Variants in SECISBP2 observed in about 807,000 individuals in gnomAD.
SECISBP2 encodes selenocysteine insertion sequence-binding protein 2.
In SECISBP2, 96 loss-of-function variants were observed where a neutral mutation model predicts 98.2. That is an observed-to-expected ratio of 0.98 (90% CI 0.83 to 1.16). The LOEUF (loss-of-function observed/expected upper bound fraction) is 1.16. SECISBP2 is among the 50% of genes most tolerant of loss of function. The probability of loss-of-function intolerance (pLI) is 0.00; values close to 1 mark genes in which losing one functional copy is unlikely to be tolerated. For missense variants in SECISBP2, 1,046 were observed against 1,022.9 expected, an observed-to-expected ratio of 1.02 and a Z score of -0.31; for synonymous variants, 407 against 370.2, an observed-to-expected ratio of 1.10 and a Z score of -1.14.
intron 14 of SECISBP2, among the ~76,000 whole-genome samples, chr9:89,351,093 A>T (rs996727596): frequency 3.3e-5 from 5 of 152,222 alleles, no homozygotes; most frequent in Admixed American, 2.6e-4. Flanking sequence ...CAGCCCACAC[A>T]GGCCTCTGGC....
chr9:89,328,318 T>C (rs59637990), intron 4 of SECISBP2, among the ~76,000 whole-genome samples: 36 of 152,194 alleles, frequency 2.4e-4, no homozygotes, highest in African/African-American at 8.2e-4. Flanking sequence ...CAGTAGACAA[T>C]AGGAATTTTT....
chr9:89,328,622 C>A (rs768510713), intron 4 of SECISBP2, 38 bp from the exon 5 acceptor site: 2 of 1,572,068 alleles, frequency 1.3e-6, no homozygotes, highest in Non-Finnish European at 1.8e-6. Flanking sequence ...CAAACAGTAA[C>A]TAAATTTTTA....
chr9:89,329,028 G>T, intron 5 of SECISBP2, 142 bp downstream of exon 5: 1 of 688,456 alleles, frequency 1.5e-6, no homozygotes, highest in Non-Finnish European at 2.5e-6. Flanking sequence ...CTTTCATTGT[G>T]CACTTATATG....
chr9:89,344,657 A>G (rs1004078347), intron 10 of SECISBP2, among the ~76,000 whole-genome samples: 9 of 152,018 alleles, frequency 5.9e-5, no homozygotes, highest in Non-Finnish European at 1.5e-5. Flanking sequence ...TTTAGAGTAC[A>G]CTTTTGATTT....
At position 89,358,066 on chromosome 9, in the gene SECISBP2, A is replaced by T. The variant is rs1832368928; in HGVS notation, c.2336A>T (p.Asn779Ile). The T allele has an allele frequency of 3.1e-6, 5 of 1,613,692 alleles. No individual in the cohort carries two copies. The highest frequency in any genetic ancestry group is 1.7e-4 in the Middle Eastern group (1 of 5,916). Residue 779 changes from asparagine to isoleucine, a missense_variant, in exon 16 of 17, where the codon AAT becomes ATT. Transcript: ENST00000375807. The part of the protein sequence containing the change: ...ARQAYKTMLE[N>I]VQQELVGEPR... ...CAGGCGTACAAGACCATGCTGGAGA[A>T]TGTGCAGCAGGAGCTGGTGGGAGAG...
chr9:89,338,981 A>G (rs958652370), intron 8 of SECISBP2, among the ~76,000 whole-genome samples: 11 of 152,118 alleles, frequency 7.2e-5, no homozygotes, highest in African/African-American at 2.7e-4. Flanking sequence ...TATAGAGAGA[A>G]ATGTAGAATA....
intron 2 of SECISBP2, among the ~76,000 whole-genome samples, chr9:89,320,110 A>T (rs1411716623): frequency 6.6e-6 from 1 of 152,150 alleles, no homozygotes; most frequent in African/African-American, 2.4e-5. Context: ...TAATCCCAGC[A>T]CTTTGGGAGG....
intron 7 of SECISBP2, among the ~76,000 whole-genome samples, chr9:89,336,557 A>G (rs571933250): frequency 3.3e-5 from 5 of 152,046 alleles, no homozygotes; most frequent in Non-Finnish European, 5.9e-5. Context: ...GTAGCTATGT[A>G]TTTATAGTGG....
chr9:89,320,484 ACTC>A (rs1306052913), intron 2 of SECISBP2, among the ~76,000 whole-genome samples: 3 of 151,722 alleles, frequency 2.0e-5, no homozygotes, highest in Non-Finnish European at 4.4e-5. Flanking sequence ...AAATAAACGT[ACTC>A]CTCCTTTTTA....
chr9:89,363,625 C>T, downstream of SECISBP2: 1 of 1,591,500 alleles, frequency 6.3e-7, no homozygotes, highest in Non-Finnish European at 8.5e-7. Context: ...GCCAATAAAA[C>T]CCAAACCCAG....
In SECISBP2 at chr9:89,325,591, C is replaced by G. The variant is rs1826556715; in HGVS notation, c.347C>G (p.Pro116Arg). The G allele has an allele frequency of 1.2e-6, 2 of 1,613,956 alleles. No homozygotes were observed. The highest frequency in any genetic ancestry group is 1.7e-5 in the Admixed American group (1 of 60,002). The change falls in exon 3 of 17, where the codon CCC (proline) becomes CGC (arginine). Residue 116 changes from proline (P) to arginine (R), a missense_variant. Transcript: ENST00000375807. ...VPGSQYLYNQ[P>R]SCYRGFQTVK... ...GGCTCCCAGTATCTTTATAACCAAC[C>G]CAGTTGTTACCGAGGTTTTCAAACA...
intron 5 of SECISBP2, among the ~76,000 whole-genome samples, chr9:89,330,998 T>C (rs1262651103): frequency 2.6e-5 from 4 of 152,254 alleles, no homozygotes; most frequent in Admixed American, 6.5e-5. Context: ...TCTTGAATTA[T>C]GTGTGGGCTT....
chr9:89,328,965 C>A, intron 5 of SECISBP2, 79 bp downstream of exon 5: 1 of 1,212,544 alleles, frequency 8.2e-7, no homozygotes. Context: ...CACATTAAAT[C>A]TTGCTGTGGG....
At chr9:89,328,232 T>G (rs1827114816) in intron 4 of SECISBP2, among the ~76,000 whole-genome samples, 1 of 152,230 alleles carries the variant, frequency 6.6e-6, no homozygotes, top group Admixed American at 6.5e-5. Context: ...TACTATACTT[T>G]TATATGCCTG....
At chr9:89,354,288 A>G (rs1831725247) in intron 14 of SECISBP2, among the ~76,000 whole-genome samples, 1 of 152,256 alleles carries the variant, frequency 6.6e-6, no homozygotes, top group Non-Finnish European at 1.5e-5. Flanking sequence ...GACTCAGCTT[A>G]GAGTGGTACT....
intron 2 of SECISBP2, chr9:89,322,085 C>G (rs952338092): frequency 6.6e-6 from 1 of 152,192 alleles, no homozygotes; most frequent in Non-Finnish European, 1.5e-5. Flanking sequence ...CCTCCAGTAC[C>G]TTTCACAGTG....
downstream of SECISBP2, among the ~76,000 whole-genome samples, chr9:89,362,734 G>A (rs908934160): frequency 1.3e-5 from 2 of 152,260 alleles, no homozygotes; most frequent in Non-Finnish European, 2.9e-5. Flanking sequence ...AGCCTTTGGT[G>A]GCAACAGTTC....
chr9:89,362,087 GT>G (rs1251739336), downstream of SECISBP2: 5 of 540,248 alleles, frequency 9.3e-6, no homozygotes, highest in Non-Finnish European at 1.7e-5. Context: ...ACACCCTGCT[GT>G]TTTAGTTCAC....
At chr9:89,336,983 A>G (rs1311698905) in intron 7 of SECISBP2, among the ~76,000 whole-genome samples, 10 of 152,022 alleles carry the variant, frequency 6.6e-5, no homozygotes, top group Non-Finnish European at 1.2e-4. Context: ...CATGTTGGTC[A>G]GGGTGGTCTC....
Sources: gnomAD v4.1 joint callset for allele counts (sites outside exome capture counted in the v4.1 genomes callset) on GRCh38, gnomAD v4.1.1 for gene constraint, MANE v1.5 for transcripts, NCBI Gene and HGNC (gene_info 2026-07-23, HGNC 2026-07-21) for gene names.